Variants in UBXN7 observed in about 807,000 individuals in gnomAD.
UBXN7 encodes the protein UBX domain-containing protein 7.
UBXN7 carries 9 observed loss-of-function variants against 58.0 expected under a neutral mutation model. That is an observed-to-expected ratio of 0.16 (90% CI 0.09 to 0.27). UBXN7 has a LOEUF of 0.27. UBXN7 is among the 10% of genes least tolerant of loss of function. UBXN7 has a pLI of 1.00. For missense variants in UBXN7, 328 were observed against 599.6 expected (o/e 0.55, Z 4.73); for synonymous variants, 208 against 205.0 (o/e 1.01, Z -0.12).
rs571126461 is a variant in UBXN7 at position 196,418,679 on chromosome 3, A to G, written c.74-11286T>C. ...GGGAGGCAGTAGAAAACTAAATACA[A>G]GTACAGTATGTATGTATTCTAGAAT... On this transcript the variant is annotated intron_variant, in intron 1 of 10. Coordinates refer to ENST00000296328, the MANE Select transcript of UBXN7 (RefSeq NM_015562.2). Among the ~76,000 whole-genome samples the G allele has an allele frequency of 2.6e-5, 4 of 152,366 alleles. No individual in the cohort carries two copies. In the South Asian group the frequency reaches 8.3e-4, roughly 32 times the overall value.
At chr3:196,395,810 G>A (rs1409436375) in intron 3 of UBXN7, among the ~76,000 whole-genome samples, 2 of 150,496 alleles carry the variant, frequency 1.3e-5, no homozygotes, top group Non-Finnish European at 3.0e-5. Flanking sequence ...CTGTTGCCCA[G>A]GCTGGAGTGC....
At chr3:196,417,174 G>A (rs555061529) in intron 1 of UBXN7, among the ~76,000 whole-genome samples, 16 of 152,226 alleles carry the variant, frequency 1.1e-4, no homozygotes, top group East Asian at 3.9e-4. Flanking sequence ...TTAGCCGGGC[G>A]TGGTGGCGGG....
intron 3 of UBXN7, among the ~76,000 whole-genome samples, chr3:196,401,350 A>C (rs28433759): frequency 6.9e-6 from 1 of 144,994 alleles, no homozygotes; most frequent in Non-Finnish European, 1.5e-5. Context: ...TATACAAAAA[A>C]TAAAAATTAA....
rs188652497 is a variant in UBXN7 at position 196,411,610 on chromosome 3, G to A, written c.74-4217C>T. 4.6e-3 allele frequency among the ~76,000 whole-genome samples: 697 copies of A among 152,242 alleles called. 4 individuals carry two copies. Among genetic ancestry groups the A allele is most frequent in the Non-Finnish European group, 8.4e-3 (572 of 68,012 alleles). On this transcript the variant is annotated intron_variant, in intron 1 of 10. Transcript: ENST00000296328. ...GCAGATCACCTGAGGTCAGGAGTTC[G>A]AGTCCACCTGACCAATATGGTGAAA...
At chr3:196,407,152 T>G (rs562494381) in intron 2 of UBXN7, 94 bp downstream of exon 2, 1 of 1,510,578 alleles carries the variant, frequency 6.6e-7, no homozygotes, top group African/African-American at 1.4e-5. Flanking sequence ...CTTTCATTTA[T>G]TTCAAAACCA....
At chr3:196,396,700 T>A (rs1365228771) in intron 3 of UBXN7, among the ~76,000 whole-genome samples, 1 of 151,972 alleles carries the variant, frequency 6.6e-6, no homozygotes, top group Non-Finnish European at 1.5e-5. Flanking sequence ...GAGGTGGAGC[T>A]TGCAGTGAGC....
In UBXN7 at chr3:196,432,209, G is replaced by T. The variant is rs546654676; in HGVS notation, c.73+118C>A. The T allele has an allele frequency of 3.6e-6, 5 of 1,403,824 alleles. No individual in the cohort carries two copies. In the African/African-American group the frequency reaches 5.7e-5, roughly 16 times the overall value. The allele number at this position is 1,403,824 out of a possible 1,614,324, so 87.0% of individuals were successfully genotyped here. On this transcript the variant is annotated intron_variant, in intron 1 of 10. Coordinates refer to ENST00000296328, the MANE Select transcript of UBXN7 (RefSeq NM_015562.2). Reference sequence around the variant, plus strand: ...TCGTCGCCTCTTCCTCAGGAGGGAGGACGGCAGCTGTGGGTAAAGCCCGAA... The same window carrying T: ...TCGTCGCCTCTTCCTCAGGAGGGAGTACGGCAGCTGTGGGTAAAGCCCGAA...
intron 2 of UBXN7, among the ~76,000 whole-genome samples, chr3:196,404,691 G>A (rs567801603): frequency 9.9e-5 from 15 of 152,246 alleles, no homozygotes; most frequent in Non-Finnish European, 1.8e-4. Flanking sequence ...ATTACATCCT[G>A]TAATCAAAGA....
chr3:196,366,565 A>AAATAC (rs909491766), intron 8 of UBXN7, among the ~76,000 whole-genome samples: 12 of 151,876 alleles, frequency 7.9e-5, no homozygotes, highest in South Asian at 2.1e-4. Flanking sequence ...ACATCTCAAA[A>AAATAC]AATACAATAC....
intron 1 of UBXN7, among the ~76,000 whole-genome samples, chr3:196,418,998 G>A (rs1730591395): frequency 6.6e-6 from 1 of 152,196 alleles, no homozygotes; most frequent in African/African-American, 2.4e-5. Context: ...GAGCGCGGTG[G>A]CTCACGCCTG....
rs766616705 is a variant in UBXN7, at chr3:196,351,965, A to G, written c.*4720T>C. The G allele has an allele frequency of 1.3e-5, 2 of 152,194 alleles. No homozygotes were observed. The highest frequency in any genetic ancestry group is 2.9e-5 in the Non-Finnish European group (2 of 68,028). The allele number at this position is 152,194 out of a possible 1,614,324, so 9.4% of individuals were successfully genotyped here. On this transcript the variant is annotated 3_prime_UTR_variant, in exon 11 of 11. Transcript: ENST00000296328. ...CCCGCAAGCTAGGAATCTTTACTCC[A>G]GGGATCAATAATCCTTTCCTACTTG... is the stretch of plus-strand genomic sequence containing the variant.
intron 5 of UBXN7, among the ~76,000 whole-genome samples, chr3:196,387,229 A>G (rs1310341899): frequency 6.6e-6 from 1 of 152,254 alleles, no homozygotes; most frequent in East Asian, 1.9e-4. Flanking sequence ...AAAACTGGCT[A>G]GCCATAGGTA....
chr3:196,408,961 G>C (rs1219993687), intron 1 of UBXN7, among the ~76,000 whole-genome samples: 2 of 152,090 alleles, frequency 1.3e-5, no homozygotes, highest in African/African-American at 4.8e-5. Context: ...AAAATTCCCA[G>C]TGATTTATAT....
Position 196,355,198 on chromosome 3 carries a change from C to T in UBXN7, c.*1487G>A, listed in dbSNP as rs566689688. 8.0e-4 allele frequency: 122 copies of T among 152,198 alleles called. No individual in the cohort carries two copies. Among genetic ancestry groups the T allele is most frequent in the African/African-American group, 2.6e-3 (109 of 41,532 alleles). 9.4% of individuals were successfully genotyped at this position (152,198 alleles called of 1,614,324 possible). On this transcript the variant is annotated 3_prime_UTR_variant, in exon 11 of 11. Transcript: ENST00000296328. ...TCAGATAAAAGAATCAATCTAAATCCTCAACTGACAAAAAGGTCCATTTAA... is the reference window on the plus strand; with the variant it reads ...TCAGATAAAAGAATCAATCTAAATCTTCAACTGACAAAAAGGTCCATTTAA...
intron 6 of UBXN7, 64 bp from the exon 7 acceptor site, chr3:196,369,575 T>TTA: frequency 8.4e-7 from 1 of 1,193,724 alleles, no homozygotes; most frequent in Non-Finnish European, 1.2e-6. Context: ...TATAACCTTC[T>TTA]TATACACCAA....
chr3:196,421,323 C>T (rs748475735), intron 1 of UBXN7, among the ~76,000 whole-genome samples: 1 of 152,286 alleles, frequency 6.6e-6, no homozygotes, highest in Non-Finnish European at 1.5e-5. Context: ...GCCAGTACTA[C>T]CCAAATGGTA....
At position 196,356,860 on chromosome 3, in the gene UBXN7, A is replaced by G; in HGVS notation, c.1309-14T>C. 1.3e-6 allele frequency: 2 copies of G among 1,596,796 alleles called. No individual in the cohort carries two copies. Among genetic ancestry groups the G allele is most frequent in the Non-Finnish European group, 1.7e-6 (2 of 1,176,322 alleles). On this transcript the variant is annotated splice_polypyrimidine_tract_variant and intron_variant, in intron 10 of 10. Transcript: ENST00000296328. ...CTTCACCAAAGCCTATAAAAACAAG[A>G]GAAAGACAAAGCCATTAGACGGAAA... is the stretch of plus-strand genomic sequence containing the variant.
intron 5 of UBXN7, among the ~76,000 whole-genome samples, chr3:196,388,475 T>TG (rs1560229712): frequency 6.7e-6 from 1 of 149,824 alleles, no homozygotes; most frequent in Non-Finnish European, 1.5e-5. Flanking sequence ...TACTGTTTGT[T>TG]TTTTTTTTTT....
chr3:196,423,888 CTTTT>C (rs1235337251), intron 1 of UBXN7, among the ~76,000 whole-genome samples: 7 of 131,386 alleles, frequency 5.3e-5, no homozygotes, highest in African/African-American at 8.6e-5. Context: ...TAATTTTTCA[CTTTT>C]TTTTTTTTTT....
Sources: allele counts gnomAD v4.1 joint callset (sites outside exome capture counted in the v4.1 genomes callset), GRCh38; gene constraint gnomAD v4.1.1; transcripts MANE v1.5; gene names NCBI Gene and HGNC (gene_info 2026-07-23, HGNC 2026-07-21).